The following UEVLD variants were observed in gnomAD, a reference collection of about 807,000 sequenced individuals.
The protein encoded by UEVLD is UEV and lactate/malate dehyrogenase domains.
A neutral mutation model predicts 58.6 loss-of-function variants in UEVLD; 47 were observed. That is an observed-to-expected ratio of 0.80 (90% confidence interval 0.63 to 1.02). The LOEUF is 1.02. Among genes scored for constraint, UEVLD ranks in the 50% least tolerant of loss-of-function variants. The pLI is 0.00. For synonymous variants in UEVLD, 197 were observed against 195.3 expected (o/e 1.01, Z -0.07); for missense variants, 510 against 550.6 (o/e 0.93, Z 0.74).
Position 18,564,946 on chromosome 11 carries a change from A to G in UEVLD, c.558T>C (p.Thr186=), listed in dbSNP as rs754680262. Residue 186 remains threonine (T), a synonymous_variant, in exon 6 of 12, where the codon ACT becomes ACC. Coordinates refer to ENST00000396197, the MANE Select transcript of UEVLD (RefSeq NM_001040697.4). ...TACCGAGTTCTCCACCTCCAACCAC[A>G]GTAATTTTATTGACTGTTTTATTCT... ...NHENKTVNKI[T]VVGGGELGIA... is the part of the protein sequence containing the mutation. 3.7e-6 allele frequency: 6 copies of G among 1,613,792 alleles called. No individual in the cohort carries two copies. Among genetic ancestry groups the G allele is most frequent in the African/African-American group, 2.7e-5 (2 of 74,936 alleles).
intron 6 of UEVLD, chr11:18,564,050 G>C (rs1352797025): frequency 3.6e-6 from 1 of 280,812 alleles, no homozygotes; most frequent in Non-Finnish European, 7.3e-6. Context: ...TCAAATGGAG[G>C]GTGAAAGAAA....
In UEVLD at chr11:18,530,089, C is replaced by G. The variant is rs919834875; in HGVS notation, c.*2231G>C. 9.9e-5 allele frequency: 15 copies of G among 152,080 alleles called. No individual in the cohort carries two copies. The highest frequency in any genetic ancestry group is 2.2e-4 in the Non-Finnish European group (15 of 67,996). 9.4% of individuals were successfully genotyped at this position (152,080 alleles called of 1,614,324 possible). A position where few individuals can be genotyped will look rare whatever the true frequency, so the allele number is the denominator to read the frequency against. On this transcript the variant is annotated 3_prime_UTR_variant, in exon 12 of 12. Transcript: ENST00000396197. ...TTGGTAATTTATTATACAATATTTTCTGGTTAGATTATTGTTCAAAAGCAT... is the reference window on the plus strand; with the variant it reads ...TTGGTAATTTATTATACAATATTTTGTGGTTAGATTATTGTTCAAAAGCAT...
At chr11:18,582,773 T>C (rs751726359) in intron 1 of UEVLD, among the ~76,000 whole-genome samples, 2 of 152,192 alleles carry the variant, frequency 1.3e-5, no homozygotes, top group Non-Finnish European at 2.9e-5. Context: ...GCTTAAAGGG[T>C]ACAGGTACTT....
intron 9 of UEVLD, among the ~76,000 whole-genome samples, chr11:18,541,112 C>T (rs1851035257): frequency 6.6e-6 from 1 of 152,202 alleles, no homozygotes; most frequent in South Asian, 2.1e-4. Context: ...TTTATCACAT[C>T]ACATCAGCCT....
intron 7 of UEVLD, 118 bp from the exon 8 acceptor site, chr11:18,547,168 T>C: frequency 1.0e-6 from 1 of 968,764 alleles, no homozygotes; most frequent in South Asian, 1.7e-5. Context: ...CGCCTCCCCA[T>C]AAATCAACCC....
chr11:18,547,693 C>T (rs1003585966), intron 7 of UEVLD, among the ~76,000 whole-genome samples: 3 of 152,074 alleles, frequency 2.0e-5, no homozygotes, highest in African/African-American at 7.2e-5. Flanking sequence ...CCATCAATTA[C>T]ACCATTGGTT....
chr11:18,566,496 A>G lies in UEVLD; in HGVS notation c.358-14T>C, dbSNP rs1182482218. 1.2e-6 allele frequency: 2 copies of G among 1,609,382 alleles called. No individual in the cohort carries two copies. The highest frequency in any genetic ancestry group is 1.7e-6 in the Non-Finnish European group (2 of 1,178,710). ...GACAGATTTAGGCTGTAGAATACAC[A>G]AAAAACAGAAAAGTTACACAAAAAT... On this transcript the variant is annotated splice_polypyrimidine_tract_variant and intron_variant, in intron 4 of 11. Transcript: ENST00000396197.
At chr11:18,532,998 AT>A (rs1241130414) in intron 11 of UEVLD, among the ~76,000 whole-genome samples, 1 of 151,806 alleles carries the variant, frequency 6.6e-6, no homozygotes, top group Non-Finnish European at 1.5e-5. Context: ...AACATTTATC[AT>A]TTATTTGTGT....
intron 1 of UEVLD, among the ~76,000 whole-genome samples, chr11:18,581,258 TAAAC>T (rs1461996743): frequency 6.6e-6 from 1 of 150,690 alleles, no homozygotes; most frequent in African/African-American, 2.4e-5. Flanking sequence ...AGTGAGATAA[TAAAC>T]AAAATATGTA....
intron 2 of UEVLD, among the ~76,000 whole-genome samples, chr11:18,576,095 T>A (rs1386487762): frequency 6.6e-6 from 1 of 152,234 alleles, no homozygotes; most frequent in African/African-American, 2.4e-5. Context: ...TAAGCTGTCC[T>A]TGTTCCTTCC....
At chr11:18,560,124 CACACACACACACACAGAGAGAG>C (rs1448498047) in intron 6 of UEVLD, among the ~76,000 whole-genome samples, 19 of 85,728 alleles carry the variant, frequency 2.2e-4, no homozygotes, top group African/African-American at 9.9e-4. Flanking sequence ...CACACACACA[CACACACACACACACAGAGAGAG>C]AAAGAAAATA....
At position 18,588,646 on chromosome 11, in the gene UEVLD, G is replaced by T. The variant is rs952879725; in HGVS notation, c.9C>A (p.Phe3Leu). The change falls in exon 1 of 12, where the codon TTC (phenylalanine) becomes TTA (leucine). Residue 3 changes from phenylalanine (F) to leucine (L), a missense_variant. Coordinates refer to ENST00000396197, the MANE Select transcript of UEVLD (RefSeq NM_001040697.4). MEFDCEGLRRLLG... is the reference protein window; with the variant it reads MELDCEGLRRLLG... The stretch of plus-strand genomic sequence containing the variant: ...GCAGCCGTCTCAGGCCCTCGCAGTC[G>T]AACTCCATCTCCAGGCCGGTCCCGA... 1.9e-6 allele frequency: 3 copies of T among 1,609,666 alleles called. No homozygotes were observed. Among genetic ancestry groups the T allele is most frequent in the Admixed American group, 3.3e-5 (2 of 59,986 alleles).
intron 2 of UEVLD, 72 bp downstream of exon 2, chr11:18,578,652 T>C (rs1358995653): frequency 1.6e-5 from 17 of 1,030,564 alleles, no homozygotes; most frequent in East Asian, 2.4e-5. Context: ...AATTACAATT[T>C]TGCAGCTCTT....
intron 10 of UEVLD, among the ~76,000 whole-genome samples, chr11:18,535,913 G>A (rs1472366442): frequency 1.3e-5 from 2 of 152,178 alleles, no homozygotes; most frequent in Non-Finnish European, 2.9e-5. Flanking sequence ...AAGGCGGGTG[G>A]ATCATGTGGT....
chr11:18,539,575 G>A (rs1274967428), intron 9 of UEVLD, among the ~76,000 whole-genome samples: 1 of 152,178 alleles, frequency 6.6e-6, no homozygotes, highest in East Asian at 1.9e-4. Context: ...AGGGTAATAG[G>A]TGGATTACTT....
intron 9 of UEVLD, among the ~76,000 whole-genome samples, chr11:18,542,290 G>A (rs556684739): frequency 6.6e-6 from 1 of 152,200 alleles, no homozygotes; most frequent in South Asian, 2.1e-4. Context: ...ATGGACCAGA[G>A]GGTTTGGTCT....
intron 1 of UEVLD, among the ~76,000 whole-genome samples, 179 bp from the exon 2 acceptor site, chr11:18,578,987 C>T (rs1440513298): frequency 6.6e-6 from 1 of 152,154 alleles, no homozygotes; most frequent in African/African-American, 2.4e-5. Flanking sequence ...CTTGCCTCAG[C>T]CTCCTGAGTT....
intron 11 of UEVLD, 109 bp from the exon 12 acceptor site, chr11:18,532,596 G>T: frequency 2.1e-6 from 2 of 949,404 alleles, no homozygotes; most frequent in Non-Finnish European, 2.9e-6. Flanking sequence ...ATACAAGTTG[G>T]ACTTAAAAAA....
chr11:18,574,675 T>C (rs1408114623), intron 3 of UEVLD, among the ~76,000 whole-genome samples: 1 of 152,200 alleles, frequency 6.6e-6, no homozygotes, highest in Non-Finnish European at 1.5e-5. Context: ...ACTTAGCTAT[T>C]CTAAACTGCT....
Sources: allele counts gnomAD v4.1 joint callset (sites outside exome capture counted in the v4.1 genomes callset), GRCh38; gene constraint gnomAD v4.1.1; transcripts MANE v1.5; gene names NCBI Gene and HGNC (gene_info 2026-07-23, HGNC 2026-07-21).